ZNF836: variants seen among roughly 807,000 people sequenced by gnomAD.
ZNF836 encodes zinc finger protein 836.
In ZNF836, 12 loss-of-function variants were observed where a neutral mutation model predicts 7.4. The observed-to-expected ratio is 1.61, with a 90% CI of 1.03 to 2.61. The LOEUF is 2.61. ZNF836 is among the 30% of genes most tolerant of loss of function. The probability of loss-of-function intolerance (pLI) is 0.00; values close to 1 mark genes in which losing one functional copy is unlikely to be tolerated. For synonymous variants in ZNF836, 365 were observed against 382.6 expected (o/e 0.95, Z 0.54); for missense variants, 998 against 1,126.2 (o/e 0.89, Z 1.63).
rs1463720007 is a variant in ZNF836 at position 52,161,255 on chromosome 19, C to T, written c.16-664G>A. On this transcript the variant is annotated intron_variant, in intron 3 of 4. Coordinates refer to ENST00000682614, the MANE Select transcript of ZNF836 (RefSeq NM_001102657.3). This position sits in a 1 kb window ranked among gnomAD's most constrained non-coding sequence, Gnocchi z 4.1. ...GAAACAAATGGTTAAATTATGGTTA[C>T]GGTATGTCTTAGTCTCTCTGTGCTG... Among the ~76,000 whole-genome samples the T allele has an allele frequency of 3.3e-5, 5 of 152,128 alleles. No homozygotes were observed. The highest frequency in any genetic ancestry group is 5.9e-5 in the Non-Finnish European group (4 of 68,032).
In ZNF836 at chr19:52,166,752, T is replaced by A. The variant is rs544246992; in HGVS notation, c.15+1306A>T. 9.5e-3 allele frequency among the ~76,000 whole-genome samples: 1,438 copies of A among 151,692 alleles called. 23 individuals are homozygous for A. Among genetic ancestry groups the A allele is most frequent in the African/African-American group, 0.032 (1,341 of 41,408 alleles). On this transcript the variant is annotated intron_variant, in intron 3 of 4. Coordinates refer to ENST00000682614, the MANE Select transcript of ZNF836 (RefSeq NM_001102657.3). Reference sequence around the variant, plus strand: ...CCACGCCCAGCTAATTTTTTTTTTTTTATTTTTTAGTAGAGACGGGGTTTC... The same window carrying A: ...CCACGCCCAGCTAATTTTTTTTTTTATATTTTTTAGTAGAGACGGGGTTTC...
Position 52,155,503 on chromosome 19 carries a change from C to A in ZNF836, c.2180G>T (p.Cys727Phe). The A allele has an allele frequency of 1.2e-6, 2 of 1,614,016 alleles. No homozygotes were observed. Among genetic ancestry groups the A allele is most frequent in the Non-Finnish European group, 1.7e-6 (2 of 1,179,896 alleles). ...TGTTATATGACTAAAAGTTCTACCA[C>A]AATGGCTACATTTGTGTGGTTTCTC... is the stretch of plus-strand genomic sequence containing the variant. ...TGEKPHKCSH[C>F]GRTFSHITGL... Residue 727 changes from cysteine to phenylalanine, a missense_variant, in exon 5 of 5, where the codon TGT (cysteine) becomes TTT (phenylalanine). Transcript: ENST00000682614.
Position 52,156,979 on chromosome 19 carries a change from T to C in ZNF836, c.704A>G (p.Asn235Ser), listed in dbSNP as rs751035812. Residue 235 changes from asparagine (N) to serine (S), a missense_variant, in exon 5 of 5, where the codon AAC (asparagine) becomes AGC (serine). Transcript: ENST00000682614. ...CTCTGTAGTATGTACCATCTGATGG[T>C]TAATAAGACTTGAAGACACTCTAAA... ...KAFRVSSSLI[N>S]HQMVHTTEKP... is the part of the protein sequence containing the mutation. The C allele has an allele frequency of 5.6e-6, 9 of 1,614,172 alleles. No homozygotes were observed. Among genetic ancestry groups the C allele is most frequent in the Non-Finnish European group, 6.8e-6 (8 of 1,180,002 alleles).
At position 52,155,573 on chromosome 19, in the gene ZNF836, T is replaced by C. The variant is rs2089146446; in HGVS notation, c.2110A>G (p.Ile704Val). Residue 704 changes from isoleucine (I) to valine (V), a missense_variant, in exon 5 of 5, where the codon ATC (isoleucine) becomes GTC (valine). Coordinates refer to ENST00000682614, the MANE Select transcript of ZNF836 (RefSeq NM_001102657.3). ...TATCTTGCAAGTTTTGAACTTTGGA[T>C]AAATGCCCCTCCAAACTCATTACAA... ...YNCNEFGGAF[I>V]QSSKLARYHR... The C allele has an allele frequency of 1.2e-6, 2 of 1,613,978 alleles. No individual in the cohort carries two copies. The highest frequency in any genetic ancestry group is 1.7e-6 in the Non-Finnish European group (2 of 1,179,896).
Position 52,155,536 on chromosome 19 carries a change from G to A in ZNF836, c.2147C>T (p.Pro716Leu). The change falls in exon 5 of 5, where the codon CCT becomes CTT. Residue 716 changes from proline to leucine, a missense_variant. By Grantham distance (98) the Pro-to-Leu change is moderately conservative (BLOSUM62 -3). Coordinates refer to ENST00000682614, the MANE Select transcript of ZNF836 (RefSeq NM_001102657.3). ...SSKLARYHRN[P>L]TGEKPHKCSH... ...ACATTTGTGTGGTTTCTCCCCAGTAGGATTTCTGTGATATCTTGCAAGTTT... is the reference window on the plus strand; with the variant it reads ...ACATTTGTGTGGTTTCTCCCCAGTAAGATTTCTGTGATATCTTGCAAGTTT... The A allele has an allele frequency of 6.2e-7, 1 of 1,613,680 alleles. No individual in the cohort carries two copies.
In ZNF836 at chr19:52,161,080, AATAG is replaced by A. The variant is rs367914534; in HGVS notation, c.16-493_16-490del. On this transcript the variant is annotated intron_variant, in intron 3 of 4. Coordinates refer to ENST00000682614, the MANE Select transcript of ZNF836 (RefSeq NM_001102657.3). The surrounding 1 kb of genome is among the most constrained non-coding windows in gnomAD (Gnocchi z 4.1). ...CATGTTCTAATTCAAATAATAACATAATAGATAGAGAGATAGAGAGATTTGTTCC... is the reference window on the plus strand; with the variant it reads ...CATGTTCTAATTCAAATAATAACATAATAGAGAGATAGAGAGATTTGTTCC... Among the ~76,000 whole-genome samples, 10 of 152,280 alleles carry A rather than the reference AATAG, an allele frequency of 6.6e-5. No individual in the cohort carries two copies. Among genetic ancestry groups the A allele is most frequent in the South Asian group, 2.1e-4 (1 of 4,832 alleles).
intron 3 of ZNF836, among the ~76,000 whole-genome samples, chr19:52,165,908 AT>A (rs961807641): frequency 4.7e-4 from 72 of 151,726 alleles, no homozygotes; most frequent in Non-Finnish European, 8.0e-4. Flanking sequence ...TCTTTGCTCA[AT>A]TTTTTTTTAC....
At chr19:52,159,937 A>G (rs1274961764) in intron 4 of ZNF836, among the ~76,000 whole-genome samples, 1 of 152,144 alleles carries the variant, frequency 6.6e-6, no homozygotes, top group Non-Finnish European at 1.5e-5. Context: ...TAATCCTAGC[A>G]CTTCGGGAGG....
intron 3 of ZNF836, among the ~76,000 whole-genome samples, chr19:52,166,771 G>C (rs1370127712): frequency 1.3e-5 from 2 of 151,158 alleles, no homozygotes; most frequent in African/African-American, 2.4e-5. Flanking sequence ...AGTAGAGACG[G>C]GGTTTCACCT....
At position 52,163,541 on chromosome 19, in the gene ZNF836, G is replaced by A. The variant is rs1229155462; in HGVS notation, c.16-2950C>T. Reference sequence around the variant, plus strand: ...TGTAATCCCAGCACTTTGGGAGGCCGAGGTGGGCGGATCACAAGGTCAAGA... The same window carrying A: ...TGTAATCCCAGCACTTTGGGAGGCCAAGGTGGGCGGATCACAAGGTCAAGA... On this transcript the variant is annotated intron_variant, in intron 3 of 4. Transcript: ENST00000682614. Among the ~76,000 whole-genome samples the A allele has an allele frequency of 1.3e-4, 20 of 151,936 alleles. 1 individual carries two copies. The South Asian group carries it at 2.7e-3, about 21-fold the overall frequency.
In ZNF836 at chr19:52,155,166, A is replaced by G. The variant is rs750578533; in HGVS notation, c.2517T>C (p.Cys839=). 15 of 1,614,018 alleles carry G rather than the reference A, an allele frequency of 9.3e-6. No homozygotes were observed. In the Admixed American group the frequency reaches 2.5e-4, roughly 27 times the overall value. The change falls in exon 5 of 5, where the codon TGT becomes TGC. Residue 839 remains cysteine, a synonymous_variant. Coordinates refer to ENST00000682614, the MANE Select transcript of ZNF836 (RefSeq NM_001102657.3). ...TTGACCTTTCAATAAAAGCTTTACC[A>G]CATTCATTACATTTGTAAGGTTTGT... ...TGDKPYKCNE[C]GKAFIERSKL... is the part of the protein sequence containing the mutation.
Position 52,155,966 on chromosome 19 carries a change from T to C in ZNF836, c.1717A>G (p.Lys573Glu), listed in dbSNP as rs778826462. 4.3e-6 allele frequency: 7 copies of C among 1,613,962 alleles called. No individual in the cohort carries two copies. Among genetic ancestry groups the C allele is most frequent in the Non-Finnish European group, 1.7e-6 (2 of 1,179,880 alleles). ...GGTTTCTCTCCCGTATGTATTCTCT[T>C]ATGAATTGAAAGGTTTCCACTGTAA... ...FNYSGNLSIH[K>E]RIHTGEKPFQ... Residue 573 changes from lysine to glutamate, a missense_variant, in exon 5 of 5, where the codon AAG (lysine) becomes GAG (glutamate). Coordinates refer to ENST00000682614, the MANE Select transcript of ZNF836 (RefSeq NM_001102657.3).
Position 52,155,963 on chromosome 19 carries a change from T to C in ZNF836, c.1720A>G (p.Arg574Gly). ...AAAGGTTTCTCTCCCGTATGTATTC[T>C]CTTATGAATTGAAAGGTTTCCACTG... ...NYSGNLSIHK[R>G]IHTGEKPFQC... The change falls in exon 5 of 5, where the codon AGA becomes GGA. Residue 574 changes from arginine (R) to glycine (G), a missense_variant. Arg to Gly is a moderately radical substitution (Grantham distance 125). Coordinates refer to ENST00000682614, the MANE Select transcript of ZNF836 (RefSeq NM_001102657.3). The C allele has an allele frequency of 6.2e-7, 1 of 1,614,008 alleles. No individual in the cohort carries two copies. The highest frequency in any genetic ancestry group is 1.3e-5 in the African/African-American group (1 of 75,052).
chr19:52,157,429 T>A lies in ZNF836; in HGVS notation c.254A>T (p.Asn85Ile). ...LERHECYDVE[N>I]FYLREIQKNL... is the part of the protein sequence containing the mutation. The stretch of plus-strand genomic sequence containing the variant: ...TTTCTGGATTTCCCTTAAGTAAAAA[T>A]TTTCAACATCATAACATTCATGTCT... Residue 85 changes from asparagine (N) to isoleucine (I), a missense_variant, in exon 5 of 5, where the codon AAT becomes ATT. Transcript: ENST00000682614. 6 of 1,607,688 alleles carry A rather than the reference T, an allele frequency of 3.7e-6. No individual in the cohort carries two copies. The highest frequency in any genetic ancestry group is 5.1e-6 in the Non-Finnish European group (6 of 1,178,414).
intron 3 of ZNF836, among the ~76,000 whole-genome samples, chr19:52,167,303 C>A (rs1301089868): frequency 1.3e-5 from 2 of 151,518 alleles, no homozygotes; most frequent in African/African-American, 4.8e-5. Context: ...GAAACCCCAT[C>A]TCTACTAAAA....
chr19:52,159,174 C>T (rs1009982014), intron 4 of ZNF836, among the ~76,000 whole-genome samples: 35 of 152,124 alleles, frequency 2.3e-4, no homozygotes, highest in South Asian at 6.2e-4. Context: ...TACCTAACCA[C>T]ATTAAGTTAA....
In ZNF836 at chr19:52,157,501, A is replaced by G. The variant is rs751409849; in HGVS notation, c.182T>C (p.Ile61Thr). ...TTTTTCTCCTGTATTACTGTTCCCTATTGGTGGTAATTCCTTGGTCATACA... is the reference window on the plus strand; with the variant it reads ...TTTTTCTCCTGTATTACTGTTCCCTGTTGGTGGTAATTCCTTGGTCATACA... The part of the protein sequence containing the change: ...PKCMTKELPP[I>T]GNSNTGEKCQ... The change falls in exon 5 of 5, where the codon ATA becomes ACA. Residue 61 changes from isoleucine (I) to threonine (T), a missense_variant. Transcript: ENST00000682614. 6.4e-7 allele frequency: 1 copy of G among 1,551,682 alleles called. No homozygotes were observed.
chr19:52,164,882 G>A (rs1164678683), intron 3 of ZNF836, among the ~76,000 whole-genome samples: 1 of 152,190 alleles, frequency 6.6e-6, no homozygotes, highest in Non-Finnish European at 1.5e-5. Flanking sequence ...GAGTTCAGGA[G>A]TTTGAGACCA....
chr19:52,156,635 T>C lies in ZNF836; in HGVS notation c.1048A>G (p.Ile350Val), dbSNP rs750141578. 1 of 1,613,548 alleles carries C rather than the reference T, an allele frequency of 6.2e-7. No homozygotes were observed. The highest frequency in any genetic ancestry group is 1.1e-5 in the South Asian group (1 of 91,046). Residue 350 changes from isoleucine (I) to valine (V), a missense_variant, in exon 5 of 5, where the codon ATA becomes GTA. Physicochemically the swap from Ile to Val is conservative, Grantham distance 29. Transcript: ENST00000682614. ...KQGSCLTTHQ[I>V]IHTGEKPYQC... ...TATGGTTTCTCTCCTGTATGGATTATCTGATGTGTAGTGAGGCATGAGCCT... is the reference window on the plus strand; with the variant it reads ...TATGGTTTCTCTCCTGTATGGATTACCTGATGTGTAGTGAGGCATGAGCCT...
Sources: allele counts gnomAD v4.1 joint callset (sites outside exome capture counted in the v4.1 genomes callset), GRCh38; gene constraint gnomAD v4.1.1; non-coding constraint Gnocchi (gnomAD v3.1); transcripts MANE v1.5; gene names NCBI Gene and HGNC (gene_info 2026-07-23, HGNC 2026-07-21).